LTA4H: variants seen among roughly 807,000 people sequenced by gnomAD.
LTA4H encodes the protein leukotriene A4 hydrolase.
Under a neutral mutation model 89.8 loss-of-function variants are expected in LTA4H, and 59 were observed. The ratio of observed to expected loss-of-function variants is 0.66; its 90% CI spans 0.53 to 0.82. LTA4H has a LOEUF of 0.82. Ranked by LOEUF, LTA4H falls within the 40% of genes least tolerant of loss-of-function variation. LTA4H has a pLI of 0.00. For missense variants in LTA4H, 617 were observed against 727.0 expected, an observed-to-expected ratio of 0.85 and a Z score of 1.74; for synonymous variants, 227 against 253.1, an observed-to-expected ratio of 0.90 and a Z score of 0.98.
intron 14 of LTA4H, 53 bp from the exon 15 acceptor site, chr12:96,009,201 G>A (rs1950257086): frequency 2.3e-6 from 3 of 1,300,660 alleles, no homozygotes; most frequent in Admixed American, 1.7e-5. Flanking sequence ...TTGCAGAAAT[G>A]CAGTTTTAAA....
At chr12:96,015,456 A>C in intron 11 of LTA4H, 127 bp downstream of exon 11, 2 of 670,036 alleles carry the variant, frequency 3.0e-6, no homozygotes, top group Non-Finnish European at 5.3e-6. Context: ...ACCAGCATTG[A>C]CTTCACTTTC....
intron 3 of LTA4H, among the ~76,000 whole-genome samples, chr12:96,026,679 TGAACCTAACACACAG>T (rs1191671165): frequency 1.3e-5 from 2 of 152,220 alleles, no homozygotes; most frequent in African/African-American, 4.8e-5. Context: ...TATTGAAATT[TGAACCTAACACACAG>T]GAATATTGGG....
intron 10 of LTA4H, 146 bp from the exon 11 acceptor site, chr12:96,015,840 G>C (rs1393810307): frequency 1.6e-6 from 1 of 613,136 alleles, no homozygotes. Context: ...TGGCTCCCAG[G>C]CAGTCAATCC....
At chr12:96,014,822 G>GC in intron 12 of LTA4H, 33 bp downstream of exon 12, 1 of 1,479,126 alleles carries the variant, frequency 6.8e-7, no homozygotes, top group Non-Finnish European at 9.1e-7. Flanking sequence ...CCCTCAAAAA[G>GC]AAAAAAAAAA....
At chr12:96,017,889 C>G (rs973757729) in intron 8 of LTA4H, among the ~76,000 whole-genome samples, 2 of 152,178 alleles carry the variant, frequency 1.3e-5, no homozygotes, top group Admixed American at 1.3e-4. Context: ...ATTTACCCAT[C>G]ACTTTCTTTC....
chr12:96,029,376 T>G (rs1442518427), intron 1 of LTA4H, among the ~76,000 whole-genome samples, 191 bp from the exon 2 acceptor site: 1 of 152,164 alleles, frequency 6.6e-6, no homozygotes, highest in Non-Finnish European at 1.5e-5. Flanking sequence ...ATTTTTGGGT[T>G]CTAAGATTTG....
chr12:96,029,560 A>G (rs1037434857), intron 1 of LTA4H, among the ~76,000 whole-genome samples: 6 of 152,182 alleles, frequency 3.9e-5, no homozygotes, highest in African/African-American at 7.2e-5. Flanking sequence ...ATTACACAAT[A>G]TATTTCCTCC....
Position 96,017,443 on chromosome 12 carries a change from C to A in LTA4H, c.876+114G>T, listed in dbSNP as rs1008164829. 3 of 849,258 alleles carry A rather than the reference C, an allele frequency of 3.5e-6. No individual in the cohort carries two copies. The African/African-American group carries it at 5.2e-5, about 15-fold the overall frequency. The allele number at this position is 849,258 out of a possible 1,614,324, so 52.6% of individuals were successfully genotyped here. On this transcript the variant is annotated intron_variant, in intron 9 of 18. Coordinates refer to ENST00000228740, the MANE Select transcript of LTA4H (RefSeq NM_000895.3). ...TAATTGTTAATAATGTGAGAAGAGTCCCCAAATTGTCCATTATAACCATAT... is the reference window on the plus strand; with the variant it reads ...TAATTGTTAATAATGTGAGAAGAGTACCCAAATTGTCCATTATAACCATAT...
At chr12:96,039,562 A>G (rs74389644), upstream of LTA4H, among the ~76,000 whole-genome samples, 7,806 of 152,286 alleles carry the variant, frequency 0.051, 277 homozygotes, top group Non-Finnish European at 0.079. Flanking sequence ...GCTTTTGTCT[A>G]TTTTAACCAC....
chr12:96,032,158 A>G (rs1950581277), intron 1 of LTA4H, among the ~76,000 whole-genome samples: 1 of 152,256 alleles, frequency 6.6e-6, no homozygotes, highest in Non-Finnish European at 1.5e-5. Flanking sequence ...GAAAAGAAAC[A>G]AATGTATGAA....
rs781567412 is a variant in LTA4H, at chr12:96,003,847, AT to A, written c.1603del (p.Ile535TyrfsTer22). 1.2e-6 allele frequency: 2 copies of A among 1,606,850 alleles called. No homozygotes were observed. ...YNFNAINNSE[I>X]RFRWLRLCIQ... The stretch of plus-strand genomic sequence containing the variant: ...AGTTAAAATGATGTACCTGAATCGT[AT>A]TTCAGAATTGTTAATGGCATTGAAG... On this transcript the variant is annotated frameshift_variant, in exon 17 of 19. Coordinates refer to ENST00000228740, the MANE Select transcript of LTA4H (RefSeq NM_000895.3). LOFTEE classifies it high-confidence loss of function.
At chr12:96,001,700 AAAT>A in intron 18 of LTA4H, among the ~76,000 whole-genome samples, 1 of 152,190 alleles carries the variant, frequency 6.6e-6, no homozygotes, top group East Asian at 1.9e-4. Flanking sequence ...AATACATAAT[AAAT>A]AATACACGAA....
At chr12:96,041,299 GT>G (rs1306896283) in intron 1 of LTA4H, among the ~76,000 whole-genome samples, 2 of 152,038 alleles carry the variant, frequency 1.3e-5, no homozygotes, top group African/African-American at 4.8e-5. Flanking sequence ...GTTTGTAAGA[GT>G]TGAGAACCCT....
upstream of LTA4H, among the ~76,000 whole-genome samples, chr12:96,036,794 G>GA (rs1950651292): frequency 6.6e-6 from 1 of 152,226 alleles, no homozygotes; most frequent in Admixed American, 6.5e-5. Flanking sequence ...AGACTGGGAA[G>GA]AAAAGGGGTT....
rs1228474945 is a variant in LTA4H, at chr12:96,019,167, C to A, written c.711+1G>T. On this transcript the variant is annotated splice_donor_variant, in intron 7 of 18. Coordinates refer to ENST00000228740, the MANE Select transcript of LTA4H (RefSeq NM_000895.3). LOFTEE classifies it high-confidence loss of function. ...TTACAAAGGATAACTAAATGACCAACCTCAGAAAACTCATAAGCAGACTTT... is the reference window on the plus strand; with the variant it reads ...TTACAAAGGATAACTAAATGACCAAACTCAGAAAACTCATAAGCAGACTTT... The A allele has an allele frequency of 5.0e-6, 8 of 1,610,030 alleles. No homozygotes were observed. The highest frequency in any genetic ancestry group is 6.8e-6 in the Non-Finnish European group (8 of 1,178,798).
intron 1 of LTA4H, chr12:96,043,188 G>A: frequency 1.2e-6 from 1 of 834,046 alleles, no homozygotes; most frequent in Non-Finnish European, 1.9e-6. Flanking sequence ...AGTTGGCAAA[G>A]TGAGAACATG....
intron 1 of LTA4H, among the ~76,000 whole-genome samples, chr12:96,030,073 C>T (rs1950556269): frequency 6.6e-6 from 1 of 152,128 alleles, no homozygotes; most frequent in Non-Finnish European, 1.5e-5. Flanking sequence ...GCCCCCACCC[C>T]GATCAACAAA....
At chr12:96,018,925 G>A in intron 7 of LTA4H, 22 bp from the exon 8 acceptor site, 1 of 1,551,334 alleles carries the variant, frequency 6.4e-7, no homozygotes, top group South Asian at 1.2e-5. Context: ...ACATATATAT[G>A]TCTGTATGCC....
chr12:96,036,015 T>A (rs1169672116), upstream of LTA4H, among the ~76,000 whole-genome samples: 1 of 152,204 alleles, frequency 6.6e-6, no homozygotes. Context: ...CTTTCTTTCG[T>A]GCGGTTCCTC....
Sources: allele counts gnomAD v4.1 joint callset (sites outside exome capture counted in the v4.1 genomes callset), GRCh38; gene constraint gnomAD v4.1.1; transcripts MANE v1.5; gene names NCBI Gene and HGNC (gene_info 2026-07-23, HGNC 2026-07-21).